Variants in SYT1 observed in about 807,000 individuals in gnomAD.
SYT1 encodes the protein synaptotagmin 1.
A neutral mutation model predicts 44.8 loss-of-function variants in SYT1; 8 were observed. The observed-to-expected ratio is 0.18, with a 90% CI of 0.10 to 0.32. The LOEUF is 0.32. Among genes scored for constraint, SYT1 ranks in the 10% least tolerant of loss-of-function variants. The pLI is 1.00. For missense variants in SYT1, 286 were observed against 509.3 expected (o/e 0.56, Z 4.22); for synonymous variants, 154 against 188.8 (o/e 0.82, Z 1.51).
At chr12:78,975,957 AT>A (rs1177723272) in intron 1 of SYT1, among the ~76,000 whole-genome samples, 8 of 152,196 alleles carry the variant, frequency 5.3e-5, no homozygotes, top group African/African-American at 1.4e-4. Flanking sequence ...TCAGGGCATT[AT>A]TGTTTAATCA....
intron 1 of SYT1, among the ~76,000 whole-genome samples, chr12:78,910,805 G>T (rs1414580804): frequency 6.6e-6 from 1 of 151,954 alleles, no homozygotes; most frequent in East Asian, 1.9e-4. Flanking sequence ...CACCAGTAGT[G>T]TACATGTGAG....
intron 1 of SYT1, among the ~76,000 whole-genome samples, chr12:78,930,845 C>T (rs1282423980): frequency 1.3e-5 from 2 of 152,108 alleles, no homozygotes; most frequent in East Asian, 1.9e-4. Context: ...CCTTAAGTCT[C>T]ATTTTCCTCA....
intron 2 of SYT1, among the ~76,000 whole-genome samples, chr12:78,991,817 A>G (rs1440617186): frequency 6.6e-6 from 1 of 152,196 alleles, no homozygotes; most frequent in African/African-American, 2.4e-5. Context: ...ATTTTACAGA[A>G]ATGTACTCTT....
chr12:79,045,917 T>C (rs1874016556), intron 2 of SYT1: 1 of 152,226 alleles, frequency 6.6e-6, no homozygotes, highest in African/African-American at 2.4e-5. Flanking sequence ...TTTTTTCCCA[T>C]ATTTCTTGTA....
In SYT1 at chr12:78,956,594, A is replaced by G. The variant is rs147601799; in HGVS notation, c.-216-21205A>G. 8.8e-4 allele frequency among the ~76,000 whole-genome samples: 134 copies of G among 152,212 alleles called. 2 individuals are homozygous for G. Among genetic ancestry groups the G allele is most frequent in the African/African-American group, 3.1e-3 (127 of 41,568 alleles). ...AAAATAGGCATCAAAAATGAAAAAA[A>G]AAAAGTGTTTATTGTCAAAAATAAT... On this transcript the variant is annotated intron_variant, in intron 1 of 10. Coordinates refer to ENST00000261205, the MANE Select transcript of SYT1 (RefSeq NM_005639.3).
intron 3 of SYT1, among the ~76,000 whole-genome samples, chr12:79,168,447 G>A (rs1871333506): frequency 6.6e-6 from 1 of 152,016 alleles, no homozygotes; most frequent in African/African-American, 2.4e-5. Flanking sequence ...AGTTTGATCT[G>A]GCAAAGATGG....
At chr12:79,177,707 T>C (rs1871978953) in intron 3 of SYT1, among the ~76,000 whole-genome samples, 2 of 127,096 alleles carry the variant, frequency 1.6e-5, no homozygotes, top group African/African-American at 3.1e-5. Flanking sequence ...CTCCAGCACC[T>C]GTTGTTCCCT....
chr12:79,295,103 G>A (rs879716388), intron 6 of SYT1, among the ~76,000 whole-genome samples: 1 of 152,094 alleles, frequency 6.6e-6, no homozygotes, highest in Non-Finnish European at 1.5e-5. Context: ...AGGCTGAGAT[G>A]TAAAAACCTA....
chr12:78,902,695 C>T (rs1186683647), intron 1 of SYT1, among the ~76,000 whole-genome samples: 1 of 151,954 alleles, frequency 6.6e-6, no homozygotes, highest in Non-Finnish European at 1.5e-5. Flanking sequence ...TCAAATTAAA[C>T]ATAAGAAATT....
intron 8 of SYT1, among the ~76,000 whole-genome samples, chr12:79,310,131 A>G (rs1480151711): frequency 6.6e-6 from 1 of 152,082 alleles, no homozygotes; most frequent in African/African-American, 2.4e-5. Flanking sequence ...GTTTTCTTCT[A>G]GGGTTTTTAT....
chr12:79,315,456 A>G (rs575796401), intron 8 of SYT1, among the ~76,000 whole-genome samples: 10 of 152,244 alleles, frequency 6.6e-5, no homozygotes, highest in South Asian at 6.2e-4. Context: ...GCCTCAAACA[A>G]TCCTCTCACC....
intron 4 of SYT1, among the ~76,000 whole-genome samples, chr12:79,222,934 CT>C (rs1274152015): frequency 6.6e-6 from 1 of 152,092 alleles, no homozygotes; most frequent in Non-Finnish European, 1.5e-5. Flanking sequence ...CTTGACTCCA[CT>C]TTTCATTTCA....
At chr12:79,038,978 C>T (rs1873326931) in intron 2 of SYT1, among the ~76,000 whole-genome samples, 1 of 151,970 alleles carries the variant, frequency 6.6e-6, no homozygotes, top group Non-Finnish European at 1.5e-5. Flanking sequence ...TACAGCTATG[C>T]ACTTTTAAAT....
intron 4 of SYT1, among the ~76,000 whole-genome samples, chr12:79,257,462 T>TTTTTG (rs895666083): frequency 4.8e-4 from 73 of 152,254 alleles, no homozygotes; most frequent in East Asian, 1.7e-3. Flanking sequence ...ACATTGCTGT[T>TTTTTG]TTTTGTTTTG....
chr12:79,098,886 C>G (rs2138040119), intron 3 of SYT1, among the ~76,000 whole-genome samples: 1 of 152,288 alleles, frequency 6.6e-6, no homozygotes, highest in Non-Finnish European at 1.5e-5. Context: ...GCACACTACA[C>G]AGATTGGTAG....
chr12:79,025,449 C>T (rs1043871407), intron 2 of SYT1, among the ~76,000 whole-genome samples: 1 of 151,546 alleles, frequency 6.6e-6, no homozygotes, highest in Non-Finnish European at 1.5e-5. Flanking sequence ...CTTTTTTAAA[C>T]CATGAGAAAC....
intron 2 of SYT1, among the ~76,000 whole-genome samples, chr12:79,028,934 A>G (rs1246560979): frequency 6.6e-6 from 1 of 151,390 alleles, no homozygotes; most frequent in East Asian, 1.9e-4. Flanking sequence ...TGGAATAATA[A>G]CAGTAATAAA....
chr12:79,364,928 A>AAAT (rs1883479091), intron 9 of SYT1, among the ~76,000 whole-genome samples: 1 of 152,142 alleles, frequency 6.6e-6, no homozygotes, highest in African/African-American at 2.4e-5. Flanking sequence ...TATCCTTATT[A>AAAT]AGGAAACAAA....
At chr12:78,900,426 A>T (rs1875596155) in intron 1 of SYT1, among the ~76,000 whole-genome samples, 1 of 152,112 alleles carries the variant, frequency 6.6e-6, no homozygotes, top group South Asian at 2.1e-4. Context: ...CCAGAAAATG[A>T]TGTGGGGAGA....
Sources: allele counts gnomAD v4.1 joint callset (sites outside exome capture counted in the v4.1 genomes callset), GRCh38; gene constraint gnomAD v4.1.1; transcripts MANE v1.5; gene names NCBI Gene and HGNC (gene_info 2026-07-23, HGNC 2026-07-21).